HPSE2: variants seen among roughly 807,000 people sequenced by gnomAD.
HPSE2 encodes heparanase 2 (inactive).
HPSE2 carries 38 observed loss-of-function variants against 60.5 expected under a neutral mutation model. The ratio of observed to expected loss-of-function variants is 0.63; its 90% confidence interval spans 0.48 to 0.82. The LOEUF is 0.82. HPSE2 is among the 40% of genes least tolerant of loss of function. The pLI is 0.00. For missense variants in HPSE2, 713 were observed against 740.4 expected (o/e 0.96, Z 0.43); for synonymous variants, 295 against 293.2 (o/e 1.01, Z -0.06).
chr10:99,227,881 GT>G, intron 2 of HPSE2, among the ~76,000 whole-genome samples: 1 of 146,228 alleles, frequency 6.8e-6, no homozygotes, highest in Admixed American at 6.9e-5. Context: ...GTGTGTGTGT[GT>G]GTGTGTGTGT....
chr10:98,468,463 T>G (rs1940645457), intron 11 of HPSE2, among the ~76,000 whole-genome samples: 1 of 152,104 alleles, frequency 6.6e-6, no homozygotes. Context: ...TCCGGTGGAA[T>G]CTCTCAAAAG....
rs117218331 is a variant in HPSE2 at position 98,991,491 on chromosome 10, T to G, written c.610+152747A>C. 2.2e-4 allele frequency among the ~76,000 whole-genome samples: 33 copies of G among 152,092 alleles called. No homozygotes were observed. In the East Asian group the frequency reaches 6.4e-3, roughly 29 times the overall value. On this transcript the variant is annotated intron_variant, in intron 3 of 11. Coordinates refer to ENST00000370552, the MANE Select transcript of HPSE2 (RefSeq NM_021828.5). ...AAATAAGAGAGTAGGAGAAGAAAGGTCAGAGAGTGGGCAGACAGTGGGGAG... is the reference window on the plus strand; with the variant it reads ...AAATAAGAGAGTAGGAGAAGAAAGGGCAGAGAGTGGGCAGACAGTGGGGAG...
At chr10:98,527,021 T>G (rs772357981) in intron 9 of HPSE2, among the ~76,000 whole-genome samples, 59 of 152,066 alleles carry the variant, frequency 3.9e-4, no homozygotes, top group Non-Finnish European at 7.4e-4. Flanking sequence ...CGGGTGTGCA[T>G]AAAAAGGAGC....
At chr10:98,710,651 G>A (rs4244333) in intron 5 of HPSE2, among the ~76,000 whole-genome samples, 149,219 of 152,270 alleles carry the variant, frequency 0.98, 73,173 homozygotes, top group Non-Finnish European at 1. Flanking sequence ...TTACAACTCT[G>A]TAAGGTTGGT....
At chr10:98,965,227 T>A (rs997260295) in intron 3 of HPSE2, among the ~76,000 whole-genome samples, 14 of 152,172 alleles carry the variant, frequency 9.2e-5, no homozygotes, top group African/African-American at 3.4e-4. Context: ...CATCAAATTA[T>A]CCATGATTTC....
the HPSE2 span, among the ~76,000 whole-genome samples, chr10:99,291,244 G>A: frequency 1.3e-5 from 2 of 152,132 alleles, no homozygotes; most frequent in Non-Finnish European, 2.9e-5. Context: ...ACAAGGGTCT[G>A]GTCTTCATTT....
intron 3 of HPSE2, among the ~76,000 whole-genome samples, chr10:98,777,822 C>G (rs1234976614): frequency 1.3e-5 from 2 of 152,168 alleles, no homozygotes; most frequent in African/African-American, 4.8e-5. Flanking sequence ...CCACATTTAA[C>G]TACTTGTACT....
intron 3 of HPSE2, among the ~76,000 whole-genome samples, chr10:98,994,858 G>T (rs1436010602): frequency 6.6e-6 from 1 of 152,080 alleles, no homozygotes; most frequent in Non-Finnish European, 1.5e-5. Context: ...TCCCTCCTTG[G>T]CAGAGTGGTG....
chr10:99,262,064 C>T, the HPSE2 span, among the ~76,000 whole-genome samples: 1 of 152,188 alleles, frequency 6.6e-6, no homozygotes, highest in Non-Finnish European at 1.5e-5. Flanking sequence ...TGGCTGAAGA[C>T]TCACACTGCC....
At chr10:99,232,217 A>ATG (rs1849671400) in intron 2 of HPSE2, 131 bp downstream of exon 2, 1 of 149,516 alleles carries the variant, frequency 6.7e-6, no homozygotes, top group South Asian at 6.8e-5. Context: ...GCGCGCATAC[A>ATG]CACACACACA....
At chr10:98,538,679 C>T (rs1943365334) in intron 9 of HPSE2, among the ~76,000 whole-genome samples, 1 of 152,048 alleles carries the variant, frequency 6.6e-6, no homozygotes, top group African/African-American at 2.4e-5. Context: ...TAAAGCTCCC[C>T]AGATGATTCT....
At chr10:98,499,441 C>T (rs946022968) in intron 9 of HPSE2, among the ~76,000 whole-genome samples, 2 of 152,108 alleles carry the variant, frequency 1.3e-5, no homozygotes, top group African/African-American at 4.8e-5. Flanking sequence ...CTTTTTCAGA[C>T]AAACAAATGT....
At chr10:98,898,104 C>T (rs1340175906) in intron 3 of HPSE2, among the ~76,000 whole-genome samples, 1 of 152,068 alleles carries the variant, frequency 6.6e-6, no homozygotes, top group Non-Finnish European at 1.5e-5. Context: ...GATGCTCAGC[C>T]TCATCTGTCA....
At chr10:98,798,200 AC>A (rs911793271) in intron 3 of HPSE2, among the ~76,000 whole-genome samples, 1 of 152,026 alleles carries the variant, frequency 6.6e-6, no homozygotes, top group African/African-American at 2.4e-5. Context: ...AAAAAAAAAA[AC>A]TTTTACCCTA....
chr10:98,935,959 G>A (rs1220909137), intron 3 of HPSE2, among the ~76,000 whole-genome samples: 5 of 144,890 alleles, frequency 3.5e-5, no homozygotes, highest in Admixed American at 6.8e-5. Flanking sequence ...CTGTCTGTAA[G>A]CCCCTGACTG....
At chr10:99,181,987 C>G (rs1481915484) in intron 2 of HPSE2, among the ~76,000 whole-genome samples, 2 of 152,152 alleles carry the variant, frequency 1.3e-5, no homozygotes, top group Non-Finnish European at 2.9e-5. Context: ...GAGCCATCTG[C>G]AAGCCAAGGA....
the HPSE2 span, among the ~76,000 whole-genome samples, chr10:99,298,979 G>C: frequency 3.3e-5 from 5 of 152,062 alleles, no homozygotes; most frequent in African/African-American, 1.2e-4. Flanking sequence ...AGCCTATACA[G>C]GTTTTTATAG....
chr10:98,757,021 A>G (rs1158338085), intron 3 of HPSE2, among the ~76,000 whole-genome samples: 1 of 152,150 alleles, frequency 6.6e-6, no homozygotes, highest in African/African-American at 2.4e-5. Flanking sequence ...GCAACATTGC[A>G]TATTAATACT....
chr10:98,826,028 CT>C (rs1217601258), intron 3 of HPSE2, among the ~76,000 whole-genome samples: 1 of 152,218 alleles, frequency 6.6e-6, no homozygotes. Flanking sequence ...TTACTTGCAG[CT>C]GACAGCATTC....
Sources: gnomAD v4.1 joint callset for allele counts (sites outside exome capture counted in the v4.1 genomes callset) on GRCh38, gnomAD v4.1.1 for gene constraint, MANE v1.5 for transcripts, NCBI Gene and HGNC (gene_info 2026-07-23, HGNC 2026-07-21) for gene names.